Variants in ZBTB7C observed in about 807,000 individuals in gnomAD.
ZBTB7C encodes the protein zinc finger and BTB domain containing 7C.
A neutral mutation model predicts 25.7 loss-of-function variants in ZBTB7C; 8 were observed. That is an observed-to-expected ratio of 0.31 (90% CI 0.18 to 0.56). The LOEUF (loss-of-function observed/expected upper bound fraction) is 0.56, where lower values mean the gene tolerates loss of function less well. Ranked by LOEUF, ZBTB7C falls within the 20% of genes least tolerant of loss-of-function variation. ZBTB7C has a pLI of 0.91. For synonymous variants in ZBTB7C, 394 were observed against 369.0 expected (o/e 1.07, Z -0.78); for missense variants, 824 against 855.2 (o/e 0.96, Z 0.46).
intron 3 of ZBTB7C, among the ~76,000 whole-genome samples, chr18:48,155,942 A>G (rs2144918310): frequency 6.6e-6 from 1 of 152,256 alleles, no homozygotes; most frequent in East Asian, 1.9e-4. Flanking sequence ...CCCCTCACAG[A>G]CCCTATAGAC....
rs532948715 is a variant in ZBTB7C, at chr18:48,210,206, C to T, written c.-78-24211G>A. On this transcript the variant is annotated intron_variant, in intron 2 of 4. Coordinates refer to ENST00000590800, the MANE Select transcript of ZBTB7C (RefSeq NM_001318841.2). Reference sequence around the variant, plus strand: ...GGATGTGGAGAAATTGTAGCTTTCACACACTGCTGGTAGGAATGTAAAATG... The same window carrying T: ...GGATGTGGAGAAATTGTAGCTTTCATACACTGCTGGTAGGAATGTAAAATG... Among the ~76,000 whole-genome samples the T allele has an allele frequency of 7.2e-5, 11 of 152,278 alleles. No individual in the cohort carries two copies. The East Asian group carries it at 1.7e-3, about 24-fold the overall frequency.
At position 48,040,149 on chromosome 18, in the gene ZBTB7C, C is replaced by A; in HGVS notation, c.959G>T (p.Gly320Val). 6.3e-7 allele frequency: 1 copy of A among 1,580,188 alleles called. No individual in the cohort carries two copies. Among genetic ancestry groups the A allele is most frequent in the South Asian group, 1.2e-5 (1 of 84,802 alleles). Residue 320 changes from glycine (G) to valine (V), a missense_variant, in exon 4 of 5, where the codon GGG (glycine) becomes GTG (valine). Coordinates refer to ENST00000590800, the MANE Select transcript of ZBTB7C (RefSeq NM_001318841.2). ...FKDMFPDLPG[G>V]PLGPIKAEND... Reference sequence around the variant, plus strand: ...CTCCGCCTTGATGGGTCCCAGAGGCCCCCCCGGCAGGTCAGGGAACATGTC... The same window carrying A: ...CTCCGCCTTGATGGGTCCCAGAGGCACCCCCGGCAGGTCAGGGAACATGTC...
intron 2 of ZBTB7C, among the ~76,000 whole-genome samples, chr18:48,289,941 A>C (rs2045172800): frequency 6.6e-6 from 1 of 152,200 alleles, no homozygotes; most frequent in African/African-American, 2.4e-5. Flanking sequence ...AGCAGTGAAA[A>C]TAAACGAATT....
chr18:48,374,269 C>A (rs2047463285), intron 1 of ZBTB7C: 4 of 152,204 alleles, frequency 2.6e-5, no homozygotes, highest in Admixed American at 1.3e-4. Flanking sequence ...TACGAACACA[C>A]AAATAGAGCC....
At chr18:48,198,290 C>T (rs2042362207) in intron 2 of ZBTB7C, among the ~76,000 whole-genome samples, 1 of 152,092 alleles carries the variant, frequency 6.6e-6, no homozygotes, top group African/African-American at 2.4e-5. Context: ...CCAAGTGCTC[C>T]GAAGCCTGGT....
intron 1 of ZBTB7C, among the ~76,000 whole-genome samples, chr18:48,398,604 C>A (rs960382908): frequency 6.6e-6 from 1 of 152,154 alleles, no homozygotes; most frequent in Non-Finnish European, 1.5e-5. Flanking sequence ...CCTTAACCTC[C>A]TTTCCCCAGC....
At chr18:48,234,812 G>A (rs2043337181) in intron 2 of ZBTB7C, among the ~76,000 whole-genome samples, 1 of 152,108 alleles carries the variant, frequency 6.6e-6, no homozygotes, top group Non-Finnish European at 1.5e-5. Flanking sequence ...CTGCTCATGA[G>A]GGTGGATTTA....
chr18:48,242,175 A>G (rs1268281250), intron 2 of ZBTB7C, among the ~76,000 whole-genome samples: 1 of 152,218 alleles, frequency 6.6e-6, no homozygotes, highest in African/African-American at 2.4e-5. Flanking sequence ...GAACAGACCA[A>G]TAACAAGCAG....
rs1224812417 is a variant in ZBTB7C, at chr18:48,027,806, C to G, written c.*1454G>C. 6.6e-6 allele frequency: 1 copy of G among 152,378 alleles called. No individual in the cohort carries two copies. Among genetic ancestry groups the G allele is most frequent in the African/African-American group, 2.4e-5 (1 of 41,570 alleles). 9.4% of individuals were successfully genotyped at this position (152,378 alleles called of 1,614,324 possible). A position where few individuals can be genotyped will look rare whatever the true frequency, so the allele number is the denominator to read the frequency against. On this transcript the variant is annotated 3_prime_UTR_variant, in exon 5 of 5. Coordinates refer to ENST00000590800, the MANE Select transcript of ZBTB7C (RefSeq NM_001318841.2). ...TGGGCTGCTCAGAAACCAAAGCAAACTTGGCAAGAAAAGAGAGGGGAGGGA... is the reference window on the plus strand; with the variant it reads ...TGGGCTGCTCAGAAACCAAAGCAAAGTTGGCAAGAAAAGAGAGGGGAGGGA...
chr18:48,143,158 A>C (rs1341179978), intron 3 of ZBTB7C, among the ~76,000 whole-genome samples: 5 of 152,146 alleles, frequency 3.3e-5, no homozygotes, highest in Admixed American at 2.6e-4. Context: ...GGCCAGGAGC[A>C]GCATTATAGC....
intron 3 of ZBTB7C, among the ~76,000 whole-genome samples, chr18:48,143,329 A>T (rs1020734026): frequency 6.6e-6 from 1 of 151,820 alleles, no homozygotes; most frequent in Admixed American, 6.6e-5. Context: ...CTTACCTCCA[A>T]AGCAGGGGAA....
intron 3 of ZBTB7C, among the ~76,000 whole-genome samples, chr18:48,116,962 C>T (rs922148594): frequency 2.6e-5 from 4 of 152,112 alleles, no homozygotes; most frequent in African/African-American, 9.7e-5. Flanking sequence ...CTAGCTCCCA[C>T]GGCACTTAGC....
chr18:48,217,776 C>T (rs1460699476), intron 2 of ZBTB7C, among the ~76,000 whole-genome samples: 1 of 152,198 alleles, frequency 6.6e-6, no homozygotes, highest in East Asian at 1.9e-4. Context: ...TCCCAGCCAG[C>T]CCTGTCTGGC....
intron 2 of ZBTB7C, among the ~76,000 whole-genome samples, chr18:48,233,588 C>T (rs778404318): frequency 1.3e-5 from 2 of 152,228 alleles, no homozygotes; most frequent in Admixed American, 6.5e-5. Context: ...ACCTGCTTTC[C>T]CCAGCTTCCT....
chr18:48,152,411 T>C (rs2040707689), intron 3 of ZBTB7C, among the ~76,000 whole-genome samples: 1 of 152,210 alleles, frequency 6.6e-6, no homozygotes, highest in South Asian at 2.1e-4. Context: ...GTTTTACCTA[T>C]GGTAGGGAAA....
intron 2 of ZBTB7C, among the ~76,000 whole-genome samples, chr18:48,215,110 C>T (rs1180495765): frequency 1.3e-5 from 2 of 152,196 alleles, no homozygotes; most frequent in African/African-American, 4.8e-5. Context: ...CCTCCAGGTT[C>T]TAGGTTAAAA....
intron 2 of ZBTB7C, among the ~76,000 whole-genome samples, chr18:48,186,559 G>A (rs2042060023): frequency 6.6e-6 from 1 of 152,254 alleles, no homozygotes; most frequent in Non-Finnish European, 1.5e-5. Flanking sequence ...AGGCCAGGCA[G>A]GAACGTTCGG....
At chr18:48,254,643 T>G (rs747250685) in intron 2 of ZBTB7C, among the ~76,000 whole-genome samples, 1 of 152,184 alleles carries the variant, frequency 6.6e-6, no homozygotes, top group Admixed American at 6.5e-5. Flanking sequence ...ACGAACCCCA[T>G]GTATTTACCC....
chr18:48,300,036 G>A lies in ZBTB7C; in HGVS notation c.-79+38138C>T, dbSNP rs569049698. On this transcript the variant is annotated intron_variant, in intron 2 of 4. Transcript: ENST00000590800. ...TGCACACTTTAGTTGGGAGGTCTGG[G>A]GTGAAGCCTAAGATTCTGCATTTCT... Among the ~76,000 whole-genome samples, 48 of 152,246 alleles carry A rather than the reference G, an allele frequency of 3.2e-4. No individual in the cohort carries two copies. In the Middle Eastern group the frequency reaches 0.017, roughly 54 times the overall value.
Sources: allele counts gnomAD v4.1 joint callset (sites outside exome capture counted in the v4.1 genomes callset), GRCh38; gene constraint gnomAD v4.1.1; transcripts MANE v1.5; gene names NCBI Gene and HGNC (gene_info 2026-07-23, HGNC 2026-07-21).